The following ANP32B variants were observed in gnomAD, a reference collection of about 807,000 sequenced individuals.
ANP32B encodes the protein acidic leucine-rich nuclear phosphoprotein 32 family member B.
ANP32B carries 6 observed loss-of-function variants against 32.2 expected under a neutral mutation model. The observed-to-expected ratio is 0.19, with a 90% CI of 0.10 to 0.37. The LOEUF (loss-of-function observed/expected upper bound fraction) is 0.37. Among genes scored for constraint, ANP32B ranks in the 10% least tolerant of loss-of-function variants. ANP32B has a pLI of 1.00. For missense variants in ANP32B, 204 were observed against 289.2 expected (o/e 0.71, Z 2.14); for synonymous variants, 98 against 105.8 (o/e 0.93, Z 0.45).
rs796512384 is a variant in ANP32B, at chr9:98,015,493, G to A, written c.*62G>A. 1 of 1,488,362 alleles carries A rather than the reference G, an allele frequency of 6.7e-7. No homozygotes were observed. Among genetic ancestry groups the A allele is most frequent in the Non-Finnish European group, 8.9e-7 (1 of 1,120,022 alleles). The allele number at this position is 1,488,362 out of a possible 1,614,324, so 92.2% of individuals were successfully genotyped here. On this transcript the variant is annotated 3_prime_UTR_variant, in exon 7 of 7. Transcript: ENST00000339399. ...ATTGGTTGGACTGCTCATGGATTTT[G>A]TAGCTGTTTAAAAAAAAAAAAAAGG...
chr9:97,984,488 C>A (rs927921234), intron 1 of ANP32B: 15 of 151,388 alleles, frequency 9.9e-5, no homozygotes, highest in African/African-American at 2.9e-4. Flanking sequence ...GCGCCCGGGG[C>A]CCCTGCCCTT....
chr9:98,005,604 T>A (rs909376370), intron 4 of ANP32B, among the ~76,000 whole-genome samples: 2 of 152,198 alleles, frequency 1.3e-5, no homozygotes, highest in Admixed American at 6.5e-5. Flanking sequence ...TTTTTGAATG[T>A]AGGCATTCCA....
chr9:98,000,921 CAAAAAAAAA>C (rs543121018), intron 3 of ANP32B, among the ~76,000 whole-genome samples: 1 of 93,940 alleles, frequency 1.1e-5, no homozygotes, highest in African/African-American at 4.0e-5. Context: ...GACTCCATCT[CAAAAAAAAA>C]AAAAAAAAAA....
At chr9:97,986,105 G>A (rs575692208) in intron 1 of ANP32B, among the ~76,000 whole-genome samples, 12 of 141,124 alleles carry the variant, frequency 8.5e-5, no homozygotes, top group African/African-American at 2.8e-4. Context: ...ACAGGCGTGA[G>A]CCACCGCCCC....
chr9:97,987,918 G>T lies in ANP32B; in HGVS notation c.54+4309G>T, dbSNP rs539969325. Reference sequence around the variant, plus strand: ...GTTGGTTGCATAGCAACTAATTGGGGTTTTTTTCCTTGTATAAGTAATACA... The same window carrying T: ...GTTGGTTGCATAGCAACTAATTGGGTTTTTTTTCCTTGTATAAGTAATACA... On this transcript the variant is annotated intron_variant, in intron 1 of 6. Coordinates refer to ENST00000339399, the MANE Select transcript of ANP32B (RefSeq NM_006401.3). 3.3e-5 allele frequency among the ~76,000 whole-genome samples: 5 copies of T among 152,104 alleles called. No individual in the cohort carries two copies. In the South Asian group the frequency reaches 1.0e-3, roughly 32 times the overall value.
chr9:97,995,529 G>T (rs1827889949), intron 2 of ANP32B, among the ~76,000 whole-genome samples: 1 of 152,206 alleles, frequency 6.6e-6, no homozygotes, highest in African/African-American at 2.4e-5. Flanking sequence ...GGTAGGTTGT[G>T]CCTAGAGCTT....
At chr9:98,005,687 T>C (rs907447349) in intron 4 of ANP32B, among the ~76,000 whole-genome samples, 3 of 152,144 alleles carry the variant, frequency 2.0e-5, no homozygotes, top group African/African-American at 7.2e-5. Flanking sequence ...CCTCCCCAAG[T>C]GGTGGGATTA....
At position 97,992,019 on chromosome 9, in the gene ANP32B, T is replaced by C. The variant is rs1481651636; in HGVS notation, c.55-2612T>C. Among the ~76,000 whole-genome samples, 3 of 152,246 alleles carry C rather than the reference T, an allele frequency of 2.0e-5. No individual in the cohort carries two copies. In the East Asian group the frequency reaches 5.8e-4, roughly 29 times the overall value. On this transcript the variant is annotated intron_variant, in intron 1 of 6. Coordinates refer to ENST00000339399, the MANE Select transcript of ANP32B (RefSeq NM_006401.3). ...CTCATTCCGCAGTTATGTAGGCTCTTACACAGTGATATAGTGGTAACCAGA... is the reference window on the plus strand; with the variant it reads ...CTCATTCCGCAGTTATGTAGGCTCTCACACAGTGATATAGTGGTAACCAGA...
chr9:98,009,224 C>T (rs1828139120), intron 4 of ANP32B, among the ~76,000 whole-genome samples: 1 of 152,002 alleles, frequency 6.6e-6, no homozygotes, highest in Non-Finnish European at 1.5e-5. Context: ...GGCATTTGAC[C>T]CAGGATTTAT....
chr9:97,997,794 C>A (rs538464317), intron 2 of ANP32B, among the ~76,000 whole-genome samples: 1 of 152,336 alleles, frequency 6.6e-6, no homozygotes, highest in East Asian at 1.9e-4. Flanking sequence ...AGATGTTCTT[C>A]ACAATGCTTT....
chr9:97,985,207 C>T (rs890219051), intron 1 of ANP32B, among the ~76,000 whole-genome samples: 2 of 152,192 alleles, frequency 1.3e-5, no homozygotes, highest in South Asian at 4.1e-4. Flanking sequence ...GGTTTCGTGC[C>T]CTCAGGTGGC....
chr9:97,988,396 C>T (rs1282531494), intron 1 of ANP32B, among the ~76,000 whole-genome samples: 2 of 152,094 alleles, frequency 1.3e-5, no homozygotes, highest in Non-Finnish European at 2.9e-5. Context: ...TGCCAGCAGT[C>T]GTGCTACCTA....
intron 2 of ANP32B, 127 bp from the exon 3 acceptor site, chr9:97,998,429 A>C: frequency 7.7e-6 from 8 of 1,034,424 alleles, no homozygotes; most frequent in Non-Finnish European, 1.1e-5. Context: ...TGCATGCCCT[A>C]ATAGAAATAG....
intron 3 of ANP32B, among the ~76,000 whole-genome samples, chr9:97,999,050 G>A (rs1387676077): frequency 2.0e-4 from 5 of 25,038 alleles, no homozygotes; most frequent in East Asian, 4.1e-4. Context: ...CTCGTGATCC[G>A]CCCGCCTCGG....
chr9:97,987,860 G>T (rs964580129), intron 1 of ANP32B, among the ~76,000 whole-genome samples: 5 of 152,108 alleles, frequency 3.3e-5, no homozygotes, highest in African/African-American at 1.2e-4. Flanking sequence ...TGTGTCTACT[G>T]TGATGTAATT....
intron 4 of ANP32B, among the ~76,000 whole-genome samples, chr9:98,006,091 G>A (rs1442983706): frequency 2.1e-5 from 3 of 142,704 alleles, no homozygotes; most frequent in South Asian, 2.3e-4. Flanking sequence ...ATGATCCGAG[G>A]TGGAGCTGAG....
chr9:97,998,435 A>G, intron 2 of ANP32B, 121 bp from the exon 3 acceptor site: 2 of 1,116,084 alleles, frequency 1.8e-6, no homozygotes, highest in Non-Finnish European at 2.5e-6. Flanking sequence ...CCCTAATAGA[A>G]ATAGGGATCA....
chr9:98,000,210 C>G (rs145889730), intron 3 of ANP32B, among the ~76,000 whole-genome samples: 2 of 152,296 alleles, frequency 1.3e-5, no homozygotes, highest in East Asian at 3.9e-4. Flanking sequence ...AACTCCTGCC[C>G]TCAAGTGATC....
At chr9:97,987,841 C>G (rs1344956487) in intron 1 of ANP32B, among the ~76,000 whole-genome samples, 1 of 152,136 alleles carries the variant, frequency 6.6e-6, no homozygotes. Flanking sequence ...AGCTTTTGAC[C>G]TCTTTTGTTG....
Sources: allele counts gnomAD v4.1 joint callset (sites outside exome capture counted in the v4.1 genomes callset), GRCh38; gene constraint gnomAD v4.1.1; transcripts MANE v1.5; gene names NCBI Gene and HGNC (gene_info 2026-07-23, HGNC 2026-07-21).